The following RANBP2 variants were observed in gnomAD, a reference collection of about 807,000 sequenced individuals.
RANBP2 encodes the protein E3 SUMO-protein ligase RanBP2.
In RANBP2, 57 loss-of-function variants were observed where a neutral mutation model predicts 303.6. The ratio of observed to expected loss-of-function variants is 0.19; its 90% CI spans 0.15 to 0.23. The LOEUF is 0.23. Ranked by LOEUF, RANBP2 falls within the 10% of genes least tolerant of loss-of-function variation. The pLI, the probability that RANBP2 is intolerant of heterozygous loss-of-function variation, is 1.00. For synonymous variants in RANBP2, 1,167 were observed against 1,301.5 expected (o/e 0.90, Z 2.23); for missense variants, 3,138 against 3,780.8 (o/e 0.83, Z 4.46).
the RANBP2 span, among the ~76,000 whole-genome samples, chr2:109,638,437 T>G: frequency 6.6e-6 from 1 of 152,114 alleles, no homozygotes; most frequent in South Asian, 2.1e-4. Flanking sequence ...CAGGTGTGCA[T>G]GTTATGTGTT....
the RANBP2 span, among the ~76,000 whole-genome samples, chr2:109,053,626 C>G: frequency 2.0e-5 from 3 of 152,216 alleles, no homozygotes; most frequent in African/African-American, 7.2e-5. Context: ...TTGTCCCTGA[C>G]TGCCTGTCTG....
chr2:108,978,630 A>G, the RANBP2 span, among the ~76,000 whole-genome samples: 1 of 152,316 alleles, frequency 6.6e-6, no homozygotes, highest in Middle Eastern at 3.4e-3. Flanking sequence ...AACTATTCAT[A>G]TTAAAATATT....
chr2:109,078,388 A>G, the RANBP2 span, among the ~76,000 whole-genome samples: 6 of 145,924 alleles, frequency 4.1e-5, no homozygotes, highest in Non-Finnish European at 9.1e-5. Context: ...ACATTATGCT[A>G]AGTGAAAAAG....
chr2:108,882,297 C>G, the RANBP2 span: 1 of 152,106 alleles, frequency 6.6e-6, no homozygotes. Flanking sequence ...CCAATAGACT[C>G]ACCAGATGCA....
chr2:109,014,269 G>A, the RANBP2 span, among the ~76,000 whole-genome samples: 1 of 152,190 alleles, frequency 6.6e-6, no homozygotes, highest in South Asian at 2.1e-4. Context: ...CCTGGATAGG[G>A]ATGAGGCGAG....
chr2:109,259,362 G>A, the RANBP2 span, among the ~76,000 whole-genome samples: 3 of 152,286 alleles, frequency 2.0e-5, no homozygotes, highest in African/African-American at 4.8e-5. Flanking sequence ...ATCCAGAGCC[G>A]GAGGCATCCT....
the RANBP2 span, among the ~76,000 whole-genome samples, chr2:109,401,456 C>G: frequency 3.3e-5 from 5 of 152,186 alleles, no homozygotes; most frequent in African/African-American, 9.7e-5. Flanking sequence ...AGAGGGAGGG[C>G]CCTTCTTCCT....
chr2:108,751,588 C>T lies in RANBP2; in HGVS notation c.1516C>T (p.His506Tyr). 3 of 1,610,886 alleles carry T rather than the reference C, an allele frequency of 1.9e-6. No homozygotes were observed. Among genetic ancestry groups the T allele is most frequent in the South Asian group, 1.1e-5 (1 of 90,938 alleles). ...ACAATTAAAGGAGAAATGTAATTCTCACCACAGCTCCTATCAGCCGTTATG... is the reference window on the plus strand; with the variant it reads ...ACAATTAAAGGAGAAATGTAATTCTTACCACAGCTCCTATCAGCCGTTATG... ...HLQLKEKCNSHHSSYQPLCLP... is the reference protein window; with the variant it reads ...HLQLKEKCNSYHSSYQPLCLP... The change falls in exon 11 of 29, where the codon CAC (histidine) becomes TAC (tyrosine). Residue 506 changes from histidine (H) to tyrosine (Y), a missense_variant. By Grantham distance (83) the His-to-Tyr change is moderately conservative (BLOSUM62 2). Around this residue, in one of 20 missense-constraint regions of RANBP2, gnomAD observed 162 missense variants for 286.9 expected, o/e 0.56. Coordinates refer to ENST00000283195, the MANE Select transcript of RANBP2 (RefSeq NM_006267.5).
chr2:109,606,267 T>C, the RANBP2 span, among the ~76,000 whole-genome samples: 1 of 151,982 alleles, frequency 6.6e-6, no homozygotes, highest in Non-Finnish European at 1.5e-5. Context: ...CTACAAAAAT[T>C]AGCTGGGTGT....
In RANBP2 at chr2:108,766,277, A is replaced by G. The variant is rs1282081364; in HGVS notation, c.5738A>G (p.Glu1913Gly). The change falls in exon 20 of 29, where the codon GAA becomes GGA. Residue 1913 changes from glutamate (E) to glycine (G), a missense_variant. Glu to Gly is a moderately conservative substitution (Grantham distance 98). This residue lies in a region of RANBP2 where 348 missense variants were observed against 360.4 expected (regional missense o/e 0.97). Coordinates refer to ENST00000283195, the MANE Select transcript of RANBP2 (RefSeq NM_006267.5). ...CCAGGAAATCAAGAAAAGAAAAGTG[A>G]AAAGCCTCTTGAAAATGGTACTGGC... The part of the protein sequence containing the change: ...SEPGNQEKKS[E>G]KPLENGTGFQ... 3 of 1,612,214 alleles carry G rather than the reference A, an allele frequency of 1.9e-6. No individual in the cohort carries two copies. The highest frequency in any genetic ancestry group is 2.5e-6 in the Non-Finnish European group (3 of 1,180,008).
At chr2:108,981,108 G>A in the RANBP2 span, among the ~76,000 whole-genome samples, 30 of 152,250 alleles carry the variant, frequency 2.0e-4, no homozygotes, top group African/African-American at 6.3e-4. Flanking sequence ...CTTGGCTCTC[G>A]GAAATCCACA....
At chr2:109,343,683 G>T in the RANBP2 span, among the ~76,000 whole-genome samples, 1 of 152,006 alleles carries the variant, frequency 6.6e-6, no homozygotes, top group East Asian at 1.9e-4. Context: ...CCTGTGGAGA[G>T]GTGGCCAGGC....
At chr2:109,584,021 AAAAC>A in the RANBP2 span, among the ~76,000 whole-genome samples, 1 of 152,230 alleles carries the variant, frequency 6.6e-6, no homozygotes, top group South Asian at 2.1e-4. Flanking sequence ...TAAAGGCTGA[AAAAC>A]TAACTATTGG....
chr2:109,170,592 C>T, the RANBP2 span, among the ~76,000 whole-genome samples: 1 of 152,120 alleles, frequency 6.6e-6, no homozygotes, highest in Non-Finnish European at 1.5e-5. Flanking sequence ...CCTCGTGATC[C>T]ACCCGCCTCG....
chr2:108,772,394 TG>T, intron 21 of RANBP2, 94 bp from the exon 22 acceptor site: 1 of 922,722 alleles, frequency 1.1e-6, no homozygotes, highest in Non-Finnish European at 1.8e-6. Context: ...AATTCAGATG[TG>T]GAGAGTGAGA....
chr2:108,991,094 T>C, the RANBP2 span, among the ~76,000 whole-genome samples: 11 of 152,160 alleles, frequency 7.2e-5, no homozygotes, highest in Non-Finnish European at 1.6e-4. Flanking sequence ...AAAATTAAAA[T>C]GGCACAAAAT....
chr2:109,013,982 C>T, the RANBP2 span, among the ~76,000 whole-genome samples: 6 of 152,286 alleles, frequency 3.9e-5, no homozygotes, highest in African/African-American at 9.6e-5. Flanking sequence ...CATTCTTGAG[C>T]GACAATGGAG....
At chr2:109,315,561 G>A in the RANBP2 span, among the ~76,000 whole-genome samples, 1 of 152,232 alleles carries the variant, frequency 6.6e-6, no homozygotes, top group South Asian at 2.1e-4. Context: ...GGGACCATGT[G>A]TGCCTGTTGT....
At chr2:109,014,239 G>A in the RANBP2 span, among the ~76,000 whole-genome samples, 1 of 152,214 alleles carries the variant, frequency 6.6e-6, no homozygotes, top group African/African-American at 2.4e-5. Flanking sequence ...TAGGAAAATG[G>A]AGTTGAGAGA....
Sources: allele counts gnomAD v4.1 joint callset (sites outside exome capture counted in the v4.1 genomes callset), GRCh38; gene constraint gnomAD v4.1.1; regional missense constraint gnomAD v4.1.1; transcripts MANE v1.5; gene names NCBI Gene and HGNC (gene_info 2026-07-23, HGNC 2026-07-21).